RNF17: variants seen among roughly 807,000 people sequenced by gnomAD.
The protein encoded by RNF17 is ring finger protein 17, also known as spermatogenesis associated 23.
In RNF17, 31 loss-of-function variants were observed where a neutral mutation model predicts 200.5. That is an observed-to-expected ratio of 0.15 (90% confidence interval 0.12 to 0.21). The LOEUF is 0.21. RNF17 is among the 10% of genes least tolerant of loss of function. RNF17 has a pLI of 1.00. For synonymous variants in RNF17, 606 were observed against 637.8 expected, an observed-to-expected ratio of 0.95 and a Z score of 0.75; for missense variants, 1,628 against 1,905.1, an observed-to-expected ratio of 0.85 and a Z score of 2.71.
chr13:24,785,096 C>G (rs1882931276), intron 6 of RNF17, among the ~76,000 whole-genome samples: 1 of 151,948 alleles, frequency 6.6e-6, no homozygotes, highest in Admixed American at 6.6e-5. Flanking sequence ...GTATTTATCT[C>G]TTCTCTTCTC....
At chr13:24,797,705 A>AGTTTGTGTGTCTGTGTGTGTGTGT (rs59493601) in intron 11 of RNF17, among the ~76,000 whole-genome samples, 2,208 of 119,044 alleles carry the variant, frequency 0.019, 113 homozygotes, top group African/African-American at 0.042. Context: ...AGAGACAAAG[A>AGTTTGTGTGTCTGTGTGTGTGTGT]GTGTGTGTGT....
At chr13:24,843,319 C>T (rs984086858) in intron 19 of RNF17, among the ~76,000 whole-genome samples, 2 of 152,132 alleles carry the variant, frequency 1.3e-5, no homozygotes, top group Non-Finnish European at 2.9e-5. Context: ...GAGTTTGAGA[C>T]CATCCTGGCC....
chr13:24,884,481 G>C (rs756545267), downstream of RNF17: 1 of 1,613,228 alleles, frequency 6.2e-7, no homozygotes, highest in African/African-American at 1.3e-5. Context: ...ACCAACACAA[G>C]ATTATCACCT....
the RNF17 span, among the ~76,000 whole-genome samples, chr13:24,752,888 GGCGTGGCCT>G: frequency 2.0e-5 from 3 of 152,132 alleles, no homozygotes; most frequent in Non-Finnish European, 4.4e-5. Context: ...CAGAATCTTC[GGCGTGGCCT>G]GCGTGGCCCT....
chr13:24,782,119 A>T (rs1161538280), intron 6 of RNF17, among the ~76,000 whole-genome samples, 175 bp downstream of exon 6: 1 of 152,184 alleles, frequency 6.6e-6, no homozygotes, highest in African/African-American at 2.4e-5. Context: ...GAACTGCAAA[A>T]TGAAAAATAA....
intron 1 of RNF17, among the ~76,000 whole-genome samples, chr13:24,764,767 G>T (rs1879345692): frequency 6.6e-6 from 1 of 152,072 alleles, no homozygotes; most frequent in Non-Finnish European, 1.5e-5. Context: ...TTTGGATTTT[G>T]TTGTTGTTGT....
downstream of RNF17, chr13:24,883,245 T>G: frequency 6.2e-7 from 1 of 1,614,130 alleles, no homozygotes; most frequent in Non-Finnish European, 8.5e-7. Context: ...GATCTGTACT[T>G]CGTTTCTTGA....
At chr13:24,874,566 T>C (rs1894657047) in intron 33 of RNF17, among the ~76,000 whole-genome samples, 1 of 151,972 alleles carries the variant, frequency 6.6e-6, no homozygotes, top group African/African-American at 2.4e-5. Flanking sequence ...CCCGCCACCA[T>C]CCCGGCTAAT....
intron 16 of RNF17, among the ~76,000 whole-genome samples, chr13:24,827,553 T>C (rs1868800585): frequency 6.6e-6 from 1 of 151,358 alleles, no homozygotes; most frequent in African/African-American, 2.4e-5. Flanking sequence ...ATACAAAAAA[T>C]TAGCCGGGCG....
Position 24,879,827 on chromosome 13 carries a change from C to T in RNF17, c.*101C>T, listed in dbSNP as rs970170940. ...TTAGACTATTTCAGGCTTAATTTTC[C>T]TAACTTGTTCAGCACTAGTGCTTTA... is the stretch of plus-strand genomic sequence containing the variant. On this transcript the variant is annotated 3_prime_UTR_variant, in exon 36 of 36. Transcript: ENST00000255324. 2.6e-5 allele frequency: 4 copies of T among 152,142 alleles called. No homozygotes were observed. Among genetic ancestry groups the T allele is most frequent in the African/African-American group, 9.7e-5 (4 of 41,406 alleles). 9.4% of individuals were successfully genotyped at this position (152,142 alleles called of 1,614,324 possible).
At chr13:24,786,823 G>A (rs767308991) in intron 6 of RNF17, among the ~76,000 whole-genome samples, 17 of 152,078 alleles carry the variant, frequency 1.1e-4, no homozygotes, top group Admixed American at 8.5e-4. Context: ...AGCAGTTGGA[G>A]TTCCTTGAGC....
chr13:24,855,794 G>A (rs190538537), intron 25 of RNF17, among the ~76,000 whole-genome samples: 1 of 152,160 alleles, frequency 6.6e-6, no homozygotes. Flanking sequence ...TATCCTAGTG[G>A]ATGTGAAATT....
intron 4 of RNF17, 55 bp downstream of exon 4, chr13:24,778,461 C>T (rs1257976684): frequency 1.8e-6 from 2 of 1,115,396 alleles, no homozygotes; most frequent in East Asian, 2.4e-5. Context: ...GACTTTGTCT[C>T]TAGTAGCTCA....
At chr13:24,758,794 C>T in the RNF17 span, among the ~76,000 whole-genome samples, 4 of 152,078 alleles carry the variant, frequency 2.6e-5, no homozygotes, top group Non-Finnish European at 5.9e-5. Flanking sequence ...AACTTACCTT[C>T]GGCTGGGCGC....
At chr13:24,832,960 A>G (rs914193379) in intron 18 of RNF17, among the ~76,000 whole-genome samples, 4 of 152,098 alleles carry the variant, frequency 2.6e-5, no homozygotes, top group Admixed American at 1.3e-4. Context: ...TGCTCAGGCC[A>G]GTCTCGAACT....
At chr13:24,767,492 G>T in intron 2 of RNF17, 126 bp downstream of exon 2, 1 of 617,680 alleles carries the variant, frequency 1.6e-6, no homozygotes, top group Non-Finnish European at 2.8e-6. Flanking sequence ...GCTGACGCCT[G>T]TAATCCCAGC....
At chr13:24,862,236 A>C (rs1893171666) in intron 27 of RNF17, among the ~76,000 whole-genome samples, 1 of 152,154 alleles carries the variant, frequency 6.6e-6, no homozygotes, top group African/African-American at 2.4e-5. Context: ...AAGTGTAGTC[A>C]CCTGAAGGAT....
rs2137966330 is a variant in RNF17, at chr13:24,825,653, C to T, written c.2126C>T (p.Thr709Ile). The T allele has an allele frequency of 1.9e-6, 3 of 1,602,862 alleles. No homozygotes were observed. Among genetic ancestry groups the T allele is most frequent in the East Asian group, 2.2e-5 (1 of 44,746 alleles). ...CTGGATATTTTATTTCTATTAAAGA[C>T]AATCGAGGAATTCTATAAAAGTGAA... is the stretch of plus-strand genomic sequence containing the variant. ...EGLDILFLLK[T>I]IEEFYKSEDG... The change falls in exon 16 of 36, where the codon ACA becomes ATA. Residue 709 changes from threonine (T) to isoleucine (I), a missense_variant. Thr to Ile is a moderately conservative substitution (Grantham distance 89). Coordinates refer to ENST00000255324, the MANE Select transcript of RNF17 (RefSeq NM_031277.3).
intron 10 of RNF17, chr13:24,794,439 C>T (rs1230864089): frequency 1.0e-5 from 3 of 296,628 alleles, no homozygotes; most frequent in African/African-American, 2.3e-5. Flanking sequence ...TTTGTGAGGC[C>T]GAGGCACATG....
Sources: allele counts gnomAD v4.1 joint callset (sites outside exome capture counted in the v4.1 genomes callset), GRCh38; gene constraint gnomAD v4.1.1; transcripts MANE v1.5; gene names NCBI Gene and HGNC (gene_info 2026-07-23, HGNC 2026-07-21).